COL22A1: variants seen among roughly 807,000 people sequenced by gnomAD.
COL22A1 encodes collagen type XXII alpha 1 chain, also known as collagen alpha-1(XXII) chain.
COL22A1 carries 221 observed loss-of-function variants against 248.9 expected under a neutral mutation model. The observed-to-expected ratio is 0.89, with a 90% confidence interval of 0.80 to 0.99. The LOEUF (loss-of-function observed/expected upper bound fraction) is 0.99. Ranked by LOEUF, COL22A1 falls within the 50% of genes least tolerant of loss-of-function variation. The pLI, the probability that COL22A1 is intolerant of heterozygous loss-of-function variation, is 0.00. For missense variants in COL22A1, 2,240 were observed against 2,179.0 expected (o/e 1.03, Z -0.56); for synonymous variants, 891 against 793.4 (o/e 1.12, Z -2.07).
At chr8:138,819,237 G>A (rs1260694215) in intron 7 of COL22A1, among the ~76,000 whole-genome samples, 1 of 151,964 alleles carries the variant, frequency 6.6e-6, no homozygotes, top group Non-Finnish European at 1.5e-5. Context: ...TTTTCCTTAT[G>A]GTTTATGTTT....
intron 3 of COL22A1, among the ~76,000 whole-genome samples, chr8:138,858,242 C>A (rs1822187431): frequency 6.6e-6 from 1 of 152,194 alleles, no homozygotes; most frequent in South Asian, 2.1e-4. Flanking sequence ...ATCTGCTCTT[C>A]AGGGTTCTAA....
chr8:138,801,096 T>G (rs1816960421), intron 11 of COL22A1, among the ~76,000 whole-genome samples: 1 of 152,126 alleles, frequency 6.6e-6, no homozygotes, highest in South Asian at 2.1e-4. Context: ...TCTCCTTATT[T>G]CCATGTCTTT....
chr8:138,805,607 G>A (rs1817499502), intron 10 of COL22A1, among the ~76,000 whole-genome samples: 2 of 145,964 alleles, frequency 1.4e-5, no homozygotes, highest in South Asian at 2.2e-4. Flanking sequence ...GTGATGGTGT[G>A]GGACGGTGTG....
intron 3 of COL22A1, among the ~76,000 whole-genome samples, chr8:138,872,614 A>G (rs1219893776): frequency 6.6e-6 from 1 of 152,224 alleles, no homozygotes; most frequent in Non-Finnish European, 1.5e-5. Context: ...ATTATAGCTG[A>G]TGCTCCGGGG....
At chr8:138,647,494 T>C (rs4909440) in intron 46 of COL22A1, among the ~76,000 whole-genome samples, 131,417 of 152,222 alleles carry the variant, frequency 0.86, 57,131 homozygotes, top group Middle Eastern at 0.96. Flanking sequence ...AGAGTCTGAA[T>C]TATGTAGGAT....
At chr8:138,691,941 C>CGTGT (rs1276616437) in intron 35 of COL22A1, among the ~76,000 whole-genome samples, 1 of 9,256 alleles carries the variant, frequency 1.1e-4, no homozygotes, top group Admixed American at 1.1e-3. Context: ...GGTGTGTGTA[C>CGTGT]GTGTGTGCAT....
intron 3 of COL22A1, among the ~76,000 whole-genome samples, chr8:138,874,780 C>G (rs189513934): frequency 1.3e-5 from 2 of 152,348 alleles, no homozygotes; most frequent in Non-Finnish European, 2.9e-5. Flanking sequence ...GAAGAACAGC[C>G]ATGCAAGAGC....
At chr8:138,595,715 G>A (rs555243818) in intron 62 of COL22A1, among the ~76,000 whole-genome samples, 7 of 151,974 alleles carry the variant, frequency 4.6e-5, no homozygotes, top group South Asian at 2.1e-4. Flanking sequence ...AAGGAGGGCC[G>A]TCTTGTTTAT....
chr8:138,872,716 C>T lies in COL22A1; in HGVS notation c.658+5034G>A, dbSNP rs532044871. ...GAGCCTCTGTCAGGCAATGGAGAAG[C>T]AGGAGTTGATGTCGTGACACAGGGG... On this transcript the variant is annotated intron_variant, in intron 3 of 64. Transcript: ENST00000303045. Among the ~76,000 whole-genome samples, 22 of 152,340 alleles carry T rather than the reference C, an allele frequency of 1.4e-4. No individual in the cohort carries two copies. In the East Asian group the frequency reaches 3.9e-3, roughly 27 times the overall value.
chr8:138,828,729 G>A (rs970289576), intron 5 of COL22A1, among the ~76,000 whole-genome samples: 4 of 150,734 alleles, frequency 2.7e-5, no homozygotes, highest in Non-Finnish European at 5.9e-5. Flanking sequence ...CAGCCTAGGC[G>A]ACAGAGCGAG....
At chr8:138,766,598 T>G (rs1833930681) in intron 16 of COL22A1, among the ~76,000 whole-genome samples, 1 of 148,992 alleles carries the variant, frequency 6.7e-6, no homozygotes, top group Non-Finnish European at 1.5e-5. Flanking sequence ...AGGAGAGAGA[T>G]AAAGAGACAC....
At chr8:138,598,599 T>C (rs1282488952) in intron 61 of COL22A1, 120 bp downstream of exon 61, 6 of 967,134 alleles carry the variant, frequency 6.2e-6, no homozygotes, top group Non-Finnish European at 9.3e-6. Flanking sequence ...CCCCAGGTCA[T>C]ACCTTCAGTC....
intron 35 of COL22A1, among the ~76,000 whole-genome samples, chr8:138,692,232 G>GTA (rs1827087672): frequency 1.6e-3 from 16 of 9,716 alleles, no homozygotes; most frequent in African/African-American, 2.0e-3. Flanking sequence ...GCACGTGCAT[G>GTA]TGCATGTTTG....
intron 3 of COL22A1, among the ~76,000 whole-genome samples, chr8:138,876,515 G>T (rs1823729159): frequency 6.6e-6 from 1 of 152,192 alleles, no homozygotes; most frequent in Non-Finnish European, 1.5e-5. Flanking sequence ...CAAAAAAGTA[G>T]AGCCCTGATA....
intron 41 of COL22A1, among the ~76,000 whole-genome samples, chr8:138,672,170 G>A (rs557750008): frequency 1.6e-4 from 25 of 152,208 alleles, no homozygotes; most frequent in Non-Finnish European, 2.2e-4. Context: ...ATGTCCTAAC[G>A]GTGACTTCAG....
chr8:138,809,443 G>A (rs1817995996), intron 9 of COL22A1, among the ~76,000 whole-genome samples: 1 of 152,142 alleles, frequency 6.6e-6, no homozygotes, highest in East Asian at 1.9e-4. Flanking sequence ...TGCCATCCTA[G>A]GCATGGGGCT....
rs761648521 is a variant in COL22A1 at position 138,776,007 on chromosome 8, G to A, written c.1762C>T (p.Leu588Phe). 2.5e-6 allele frequency: 4 copies of A among 1,614,068 alleles called. No homozygotes were observed. The highest frequency in any genetic ancestry group is 3.4e-6 in the Non-Finnish European group (4 of 1,179,934). The change falls in exon 16 of 65, where the codon CTC (leucine) becomes TTC (phenylalanine). Residue 588 changes from leucine (L) to phenylalanine (F), a missense_variant. By Grantham distance (22) the Leu-to-Phe change is conservative (BLOSUM62 0). Transcript: ENST00000303045. ...CCCTTTTCACCTCGTTCTCCTTGGA[G>A]ACCCTGGGGGACAAAGAAAGAGCAG... ...GPPGRVGAPG[L>F]QGERGEKGTR...
At chr8:138,684,914 C>T (rs1434114247) in intron 38 of COL22A1, among the ~76,000 whole-genome samples, 1 of 152,212 alleles carries the variant, frequency 6.6e-6, no homozygotes, top group African/African-American at 2.4e-5. Flanking sequence ...GCATACCACA[C>T]TTGTCCTGAG....
chr8:138,751,110 A>G (rs1383877478), intron 22 of COL22A1, among the ~76,000 whole-genome samples: 1 of 152,238 alleles, frequency 6.6e-6, no homozygotes, highest in Admixed American at 6.5e-5. Context: ...ATGATATTCA[A>G]TAATGGCATG....
Sources: allele counts gnomAD v4.1 joint callset (sites outside exome capture counted in the v4.1 genomes callset), GRCh38; gene constraint gnomAD v4.1.1; transcripts MANE v1.5; gene names NCBI Gene and HGNC (gene_info 2026-07-23, HGNC 2026-07-21).